The following FAM149A variants were observed in gnomAD, a reference collection of about 807,000 sequenced individuals.
The protein encoded by FAM149A is family with sequence similarity 149 member A, also known as protein FAM149A.
FAM149A carries 71 observed loss-of-function variants against 78.2 expected under a neutral mutation model. The observed-to-expected ratio is 0.91, with a 90% CI of 0.75 to 1.11. The LOEUF (loss-of-function observed/expected upper bound fraction) is 1.11. Ranked by LOEUF, FAM149A falls within the 50% of genes least tolerant of loss-of-function variation. The pLI is 0.00. For synonymous variants in FAM149A, 446 were observed against 410.5 expected, an observed-to-expected ratio of 1.09 and a Z score of -1.04; for missense variants, 1,036 against 971.0, an observed-to-expected ratio of 1.07 and a Z score of -0.89.
rs1009904931 is a variant in FAM149A at position 186,167,515 on chromosome 4, A to T, written c.2218+253A>T. 528 of 163,596 alleles carry T rather than the reference A, an allele frequency of 3.2e-3. 3 individuals are homozygous for T. The highest frequency in any genetic ancestry group is 0.02 in the African/African-American group (472 of 23,778). The allele number at this position is 163,596 out of a possible 1,614,324, so 10.1% of individuals were successfully genotyped here. A position where few individuals can be genotyped will look rare whatever the true frequency, so the allele number is the denominator to read the frequency against. On this transcript the variant is annotated intron_variant, in intron 13 of 13. Transcript: ENST00000389354. ...CAATGAACTGGGGGCCTCACTCAAA[A>T]AAAAAAAAAAAAAAAAATGCTGTCT... is the stretch of plus-strand genomic sequence containing the variant.
At chr4:186,153,228 C>A in intron 4 of FAM149A, 1 of 975,348 alleles carries the variant, frequency 1.0e-6, no homozygotes, top group Non-Finnish European at 1.2e-6. Context: ...GGTACATAAG[C>A]CAAGTGTGCA....
chr4:186,160,981 A>G (rs1218137262), intron 8 of FAM149A: 5 of 630,662 alleles, frequency 7.9e-6, no homozygotes, highest in African/African-American at 2.0e-5. Context: ...AGGAGATAAA[A>G]CATTTTGTGT....
intron 13 of FAM149A, among the ~76,000 whole-genome samples, chr4:186,171,691 A>G (rs1735546138): frequency 6.6e-6 from 1 of 152,178 alleles, no homozygotes; most frequent in African/African-American, 2.4e-5. Flanking sequence ...GCTCGGGAGG[A>G]CGCGTGGCCT....
chr4:186,107,337 C>T (rs2099309190), intron 1 of FAM149A: 1 of 152,206 alleles, frequency 6.6e-6, no homozygotes, highest in Non-Finnish European at 1.5e-5. Flanking sequence ...AATAACACTG[C>T]ATTTGGCATT....
intron 1 of FAM149A, among the ~76,000 whole-genome samples, chr4:186,128,953 G>A (rs1309091717): frequency 6.6e-6 from 1 of 151,588 alleles, no homozygotes; most frequent in Non-Finnish European, 1.5e-5. Flanking sequence ...GTGTCTATGA[G>A]TATCTGTGTA....
intron 1 of FAM149A, chr4:186,109,061 A>G (rs1310138792): frequency 3.2e-5 from 8 of 249,494 alleles, no homozygotes; most frequent in East Asian, 3.6e-4. Flanking sequence ...GTTAGCCAGG[A>G]TGGTCTCGAT....
chr4:186,160,214 TCACCACA>T (rs1561413510), intron 8 of FAM149A, among the ~76,000 whole-genome samples: 1 of 63,228 alleles, frequency 1.6e-5, no homozygotes, highest in Non-Finnish European at 3.0e-5. Flanking sequence ...CACACACCAC[TCACCACA>T]CACACCACTC....
intron 8 of FAM149A, chr4:186,158,494 G>T: frequency 9.2e-7 from 1 of 1,081,392 alleles, no homozygotes; most frequent in Admixed American, 4.7e-5. Context: ...CTTCTGCAGA[G>T]ACCCTGAAGA....
intron 1 of FAM149A, among the ~76,000 whole-genome samples, chr4:186,143,087 A>G (rs921752565): frequency 2.0e-5 from 3 of 151,724 alleles, no homozygotes; most frequent in Non-Finnish European, 4.4e-5. Flanking sequence ...AAAATAATAT[A>G]TATAAAAGTA....
intron 10 of FAM149A, 93 bp downstream of exon 10, chr4:186,163,726 C>T: frequency 1.1e-6 from 1 of 912,502 alleles, no homozygotes. Context: ...ACAAAGCATC[C>T]CTACCTAGTT....
chr4:186,121,735 T>C (rs1244549037), intron 1 of FAM149A, among the ~76,000 whole-genome samples: 1 of 152,196 alleles, frequency 6.6e-6, no homozygotes, highest in Non-Finnish European at 1.5e-5. Context: ...GGTGCTGCCA[T>C]CCTACACCCA....
At chr4:186,136,969 TC>T (rs1450106723) in intron 1 of FAM149A, among the ~76,000 whole-genome samples, 7 of 75,362 alleles carry the variant, frequency 9.3e-5, no homozygotes, top group Admixed American at 7.9e-4. Context: ...TCTCTTTCTC[TC>T]TCTCTTTCTC....
rs555007912 is a variant in FAM149A, at chr4:186,124,132, A to G, written c.566+18490A>G. On this transcript the variant is annotated intron_variant, in intron 1 of 13. Transcript: ENST00000389354. ...CAGAAAAGGATGGACTTACGATAAG[A>G]TACCAAGATACATCTACAGAATAAT... 2.2e-4 allele frequency: 221 copies of G among 985,346 alleles called. 1 individual carries two copies. In the African/African-American group the frequency reaches 3.6e-3, roughly 16 times the overall value. 61.0% of individuals were successfully genotyped at this position (985,346 alleles called of 1,614,324 possible).
intron 1 of FAM149A, among the ~76,000 whole-genome samples, chr4:186,110,755 TG>T (rs2099310902): frequency 6.8e-6 from 1 of 146,540 alleles, no homozygotes; most frequent in South Asian, 2.2e-4. Context: ...TAGTATTTCA[TG>T]GTGTATATGT....
intron 13 of FAM149A, among the ~76,000 whole-genome samples, chr4:186,168,650 C>T (rs1176100781): frequency 6.6e-6 from 1 of 152,198 alleles, no homozygotes; most frequent in East Asian, 1.9e-4. Flanking sequence ...GCCACTGCGC[C>T]CAGCCCAGGT....
rs1735587716 is a variant in FAM149A, at chr4:186,172,122, A to C, written c.*135A>C. On this transcript the variant is annotated 3_prime_UTR_variant, in exon 14 of 14. Transcript: ENST00000389354. ...TGTTAGACCGAGAGAAAAGCAAACA[A>C]ATAAATCACTTAATCTTGAACACTT... 3.1e-6 allele frequency: 4 copies of C among 1,303,890 alleles called. No individual in the cohort carries two copies. Among genetic ancestry groups the C allele is most frequent in the Non-Finnish European group, 4.1e-6 (4 of 981,282 alleles). The allele number at this position is 1,303,890 out of a possible 1,614,324, so 80.8% of individuals were successfully genotyped here.
chr4:186,154,935 T>C, intron 6 of FAM149A: 1 of 984,564 alleles, frequency 1.0e-6, no homozygotes, highest in Non-Finnish European at 1.2e-6. Flanking sequence ...CTAAGGGGAG[T>C]TCCTGCCTCT....
chr4:186,156,243 GC>G (rs1344080463), intron 7 of FAM149A, 53 bp downstream of exon 7: 1 of 1,478,298 alleles, frequency 6.8e-7, no homozygotes, highest in African/African-American at 1.4e-5. Context: ...CTGTTCTTCG[GC>G]CCTGGGCTCC....
In FAM149A at chr4:186,173,719, G is replaced by A. The variant is rs118139997; in HGVS notation, c.*1732G>A. ...CAGCAGCAGCAGCAGCAGCAGCAGC[G>A]ACCACCAGGTCCATGCCTCTTTTCC... On this transcript the variant is annotated 3_prime_UTR_variant, in exon 14 of 14. Coordinates refer to ENST00000389354, the MANE Select transcript of FAM149A (RefSeq NM_001367768.3). Among the ~76,000 whole-genome samples the A allele has an allele frequency of 5.1e-3, 570 of 112,066 alleles. 128 individuals carry two copies. Among genetic ancestry groups the A allele is most frequent in the East Asian group, 0.028 (126 of 4,456 alleles). The allele number at this position is 112,066 out of a possible 152,430, so 73.5% of individuals were successfully genotyped here. A position where few individuals can be genotyped will look rare whatever the true frequency, so the allele number is the denominator to read the frequency against.
Sources: allele counts gnomAD v4.1 joint callset (sites outside exome capture counted in the v4.1 genomes callset), GRCh38; gene constraint gnomAD v4.1.1; transcripts MANE v1.5; gene names NCBI Gene and HGNC (gene_info 2026-07-23, HGNC 2026-07-21).